The following CCDC178 variants were observed in gnomAD, a reference collection of about 807,000 sequenced individuals.
CCDC178 encodes coiled-coil domain-containing protein 178.
A neutral mutation model predicts 117.4 loss-of-function variants in CCDC178; 126 were observed. The ratio of observed to expected loss-of-function variants is 1.07; its 90% confidence interval spans 0.93 to 1.24. The LOEUF (loss-of-function observed/expected upper bound fraction) is 1.24, where lower values mean the gene tolerates loss of function less well. CCDC178 is among the 50% of genes most tolerant of loss of function. The pLI is 0.00. For missense variants in CCDC178, 1,030 were observed against 986.9 expected, an observed-to-expected ratio of 1.04 and a Z score of -0.59; for synonymous variants, 283 against 313.4, an observed-to-expected ratio of 0.90 and a Z score of 1.02.
chr18:33,062,060 C>G (rs1328774453), intron 21 of CCDC178, among the ~76,000 whole-genome samples: 1 of 152,072 alleles, frequency 6.6e-6, no homozygotes, highest in Non-Finnish European at 1.5e-5. Flanking sequence ...GAATGTAAGT[C>G]TTGAAGCATG....
At chr18:33,337,618 C>A (rs1472574613) in intron 9 of CCDC178, among the ~76,000 whole-genome samples, 1 of 152,072 alleles carries the variant, frequency 6.6e-6, no homozygotes, top group Non-Finnish European at 1.5e-5. Flanking sequence ...ATACAGCTAA[C>A]TGATCTTCAA....
At chr18:33,300,134 C>G (rs1227078317) in intron 11 of CCDC178, among the ~76,000 whole-genome samples, 1 of 152,142 alleles carries the variant, frequency 6.6e-6, no homozygotes, top group East Asian at 1.9e-4. Context: ...CCCTTCCTCC[C>G]TCTCTCTTTC....
At chr18:33,083,702 G>A (rs1277996609) in intron 21 of CCDC178, among the ~76,000 whole-genome samples, 1 of 152,208 alleles carries the variant, frequency 6.6e-6, no homozygotes, top group East Asian at 1.9e-4. Flanking sequence ...AAGGGACAGA[G>A]AGTAGCACTC....
intron 11 of CCDC178, among the ~76,000 whole-genome samples, chr18:33,308,156 G>A (rs1307352988): frequency 6.6e-6 from 1 of 152,190 alleles, no homozygotes; most frequent in Non-Finnish European, 1.5e-5. Context: ...CTCAATACCA[G>A]CCCATGAAAG....
chr18:33,250,516 T>C (rs948910719), intron 14 of CCDC178, among the ~76,000 whole-genome samples: 1 of 151,524 alleles, frequency 6.6e-6, no homozygotes, highest in Admixed American at 6.6e-5. Context: ...CAAAATATAA[T>C]TTAATGAGAA....
intron 20 of CCDC178, among the ~76,000 whole-genome samples, chr18:33,145,969 T>C (rs1047806857): frequency 1.3e-5 from 2 of 152,164 alleles, no homozygotes; most frequent in African/African-American, 4.8e-5. Flanking sequence ...TATTGATTGA[T>C]ATAAGAAGTG....
At chr18:32,995,900 C>T (rs2055492915) in intron 21 of CCDC178, among the ~76,000 whole-genome samples, 1 of 91,044 alleles carries the variant, frequency 1.1e-5, no homozygotes. Context: ...TCTGATCCTA[C>T]AATTTTATCT....
intron 4 of CCDC178, among the ~76,000 whole-genome samples, chr18:33,392,555 CA>C (rs1338947720): frequency 6.6e-6 from 1 of 152,108 alleles, no homozygotes; most frequent in African/African-American, 2.4e-5. Flanking sequence ...AAAGTTTCTA[CA>C]ATCAAATTCT....
At chr18:33,419,670 A>G (rs992502215) in intron 2 of CCDC178, among the ~76,000 whole-genome samples, 1 of 152,246 alleles carries the variant, frequency 6.6e-6, no homozygotes, top group Non-Finnish European at 1.5e-5. Flanking sequence ...CGTGGCCAAC[A>G]GGTATATCAA....
intron 21 of CCDC178, chr18:32,983,314 CAGAG>C: frequency 3.9e-6 from 6 of 1,531,532 alleles, no homozygotes; most frequent in Non-Finnish European, 2.6e-6. Context: ...ATATAATTGG[CAGAG>C]AGTTTGGAAG....
At chr18:33,407,116 G>C (rs1490529070) in intron 3 of CCDC178, among the ~76,000 whole-genome samples, 1 of 152,136 alleles carries the variant, frequency 6.6e-6, no homozygotes, top group Non-Finnish European at 1.5e-5. Flanking sequence ...CTGGAGCAGA[G>C]TACATCCAAC....
At chr18:33,403,602 G>A (rs1056397162) in intron 3 of CCDC178, among the ~76,000 whole-genome samples, 1 of 151,866 alleles carries the variant, frequency 6.6e-6, no homozygotes, top group African/African-American at 2.4e-5. Context: ...AATCTTGAAA[G>A]TCAGCATTCG....
intron 21 of CCDC178, among the ~76,000 whole-genome samples, chr18:33,065,530 G>A (rs2056997792): frequency 6.6e-6 from 1 of 152,096 alleles, no homozygotes; most frequent in Non-Finnish European, 1.5e-5. Flanking sequence ...AAAAATAGCT[G>A]AAAACTTCCT....
intron 21 of CCDC178, among the ~76,000 whole-genome samples, chr18:33,045,629 T>C (rs546341211): frequency 1.3e-5 from 2 of 152,372 alleles, no homozygotes; most frequent in South Asian, 4.1e-4. Context: ...CTGATCTTGA[T>C]AAAGCAATTG....
chr18:33,007,554 C>A (rs1023702034), intron 21 of CCDC178, among the ~76,000 whole-genome samples: 25 of 151,972 alleles, frequency 1.6e-4, no homozygotes, highest in Admixed American at 1.4e-3. Context: ...AGCACTGGGA[C>A]CCAAAGTCAA....
chr18:33,113,840 C>T (rs946429014), intron 20 of CCDC178, among the ~76,000 whole-genome samples: 22 of 152,074 alleles, frequency 1.4e-4, no homozygotes, highest in Middle Eastern at 3.4e-3. Context: ...AATCCAGGGG[C>T]TTGTTAAAAG....
intron 21 of CCDC178, among the ~76,000 whole-genome samples, chr18:33,020,786 A>C (rs939688544): frequency 6.9e-6 from 1 of 145,878 alleles, no homozygotes; most frequent in African/African-American, 2.7e-5. Context: ...TGATTTCCTA[A>C]TTAAAACATG....
intron 21 of CCDC178, among the ~76,000 whole-genome samples, chr18:33,045,360 A>AT (rs371195959): frequency 2.3e-4 from 35 of 152,234 alleles, no homozygotes; most frequent in African/African-American, 8.4e-4. Flanking sequence ...CGAGAGCTAG[A>AT]TTTTATCTTG....
chr18:33,176,567 T>C (rs452891), intron 20 of CCDC178, among the ~76,000 whole-genome samples: 24,499 of 152,090 alleles, frequency 0.16, 2,762 homozygotes, highest in African/African-American at 0.32. Flanking sequence ...CCTCTTTCAC[T>C]AGAAGACAAA....
Sources: gnomAD v4.1 joint callset for allele counts (sites outside exome capture counted in the v4.1 genomes callset) on GRCh38, gnomAD v4.1.1 for gene constraint, MANE v1.5 for transcripts, NCBI Gene and HGNC (gene_info 2026-07-23, HGNC 2026-07-21) for gene names.